Variants in ATP8B4 observed in about 807,000 individuals in gnomAD.
ATP8B4 encodes ATPase phospholipid transporting 8B4 (putative).
Under a neutral mutation model 145.6 loss-of-function variants are expected in ATP8B4, and 133 were observed. That is an observed-to-expected ratio of 0.91 (90% CI 0.79 to 1.05). The LOEUF is 1.05. Among genes scored for constraint, ATP8B4 ranks in the 50% least tolerant of loss-of-function variants. ATP8B4 has a pLI of 0.00. For synonymous variants in ATP8B4, 507 were observed against 492.9 expected, an observed-to-expected ratio of 1.03 and a Z score of -0.38; for missense variants, 1,458 against 1,425.2, an observed-to-expected ratio of 1.02 and a Z score of -0.37.
At chr15:50,125,126 G>C (rs2153678359) in intron 1 of ATP8B4, among the ~76,000 whole-genome samples, 1 of 152,284 alleles carries the variant, frequency 6.6e-6, no homozygotes, top group African/African-American at 2.4e-5. Flanking sequence ...ATCATAAGAA[G>C]TCCTTCCAAC....
At chr15:50,173,636 C>G (rs1050214209) in intron 1 of ATP8B4, among the ~76,000 whole-genome samples, 2 of 152,038 alleles carry the variant, frequency 1.3e-5, no homozygotes, top group Non-Finnish European at 2.9e-5. Flanking sequence ...GACCTTCCCT[C>G]CACTATTGTC....
At chr15:49,882,967 T>C (rs2035652833) in intron 23 of ATP8B4, among the ~76,000 whole-genome samples, 1 of 152,206 alleles carries the variant, frequency 6.6e-6, no homozygotes, top group South Asian at 2.1e-4. Flanking sequence ...CCTTCTTTTA[T>C]AGTTATAGCC....
intron 13 of ATP8B4, among the ~76,000 whole-genome samples, chr15:49,972,292 C>T (rs2045226623): frequency 6.6e-6 from 1 of 152,004 alleles, no homozygotes; most frequent in Admixed American, 6.6e-5. Flanking sequence ...AAGAATCACA[C>T]AGAGCACTGA....
intron 25 of ATP8B4, 120 bp downstream of exon 25, chr15:49,876,158 G>A: frequency 7.4e-7 from 1 of 1,350,446 alleles, no homozygotes; most frequent in African/African-American, 1.5e-5. Flanking sequence ...GTACTTAAAA[G>A]GACAGCCCCA....
At chr15:49,900,971 G>A (rs756020479) in intron 21 of ATP8B4, 121 bp downstream of exon 21, 7 of 1,259,184 alleles carry the variant, frequency 5.6e-6, no homozygotes, top group Admixed American at 4.7e-5. Flanking sequence ...CATCGCATAT[G>A]CCCTGTATCT....
At chr15:49,873,612 T>G (rs1308657297) in intron 25 of ATP8B4, among the ~76,000 whole-genome samples, 1 of 152,188 alleles carries the variant, frequency 6.6e-6, no homozygotes, top group Non-Finnish European at 1.5e-5. Context: ...TCCCTGCATT[T>G]TTATGCTTTT....
chr15:50,010,857 GT>G lies in ATP8B4; in HGVS notation c.422del (p.Asn141ThrfsTer33). 1 of 1,557,914 alleles carries G rather than the reference GT, an allele frequency of 6.4e-7. No homozygotes were observed. The highest frequency in any genetic ancestry group is 8.7e-7 in the Non-Finnish European group (1 of 1,150,138). On this transcript the variant is annotated frameshift_variant, in exon 7 of 28. Transcript: ENST00000284509. LOFTEE classifies it high-confidence loss of function. Reference protein sequence around the residue: ...KVGDIIKLENNQFVAADLLLL... With the variant: ...KVGDIIKLENXQFVAADLLLL... ...ATTGAATACTTACAGCAACAAATTG[GT>G]TATTTTCTAATTTAATGATGTCTCC...
At chr15:50,038,872 C>G (rs932795525) in intron 5 of ATP8B4, 43 bp from the exon 6 acceptor site, 2 of 1,540,112 alleles carry the variant, frequency 1.3e-6, no homozygotes, top group South Asian at 1.1e-5. Context: ...TTACAAGGTA[C>G]TTTGTCAGCC....
At chr15:50,078,896 C>T (rs1759815747) in intron 2 of ATP8B4, among the ~76,000 whole-genome samples, 1 of 152,020 alleles carries the variant, frequency 6.6e-6, no homozygotes, top group Admixed American at 6.5e-5. Context: ...GAATTCTATA[C>T]CGAGCCAAAT....
intron 2 of ATP8B4, among the ~76,000 whole-genome samples, chr15:50,085,921 T>C (rs1201795122): frequency 1.8e-5 from 2 of 108,492 alleles, no homozygotes; most frequent in East Asian, 4.8e-4. Context: ...TTATATATGA[T>C]ATATATCATA....
chr15:49,917,930 C>T (rs1438025964), intron 19 of ATP8B4, among the ~76,000 whole-genome samples: 1 of 152,096 alleles, frequency 6.6e-6, no homozygotes, highest in African/African-American at 2.4e-5. Flanking sequence ...AGAGTTTCTA[C>T]CTAGTAACAC....
In ATP8B4 at chr15:49,948,736, C is replaced by G. The variant is rs185226019; in HGVS notation, c.1287+13241G>C. On this transcript the variant is annotated intron_variant, in intron 14 of 27. Coordinates refer to ENST00000284509, the MANE Select transcript of ATP8B4 (RefSeq NM_024837.4). Reference sequence around the variant, plus strand: ...TGGGTAGATTGCAAAATTTTTCTCCCATTCTGTAGGTAGCCTGTTCACTCT... The same window carrying G: ...TGGGTAGATTGCAAAATTTTTCTCCGATTCTGTAGGTAGCCTGTTCACTCT... 1.2e-3 allele frequency among the ~76,000 whole-genome samples: 177 copies of G among 152,266 alleles called. 1 individual carries two copies. The highest frequency in any genetic ancestry group is 4.1e-3 in the African/African-American group (171 of 41,548).
chr15:50,114,099 G>GTTTC (rs1555494011), intron 1 of ATP8B4, among the ~76,000 whole-genome samples: 1,673 of 32,068 alleles, frequency 0.052, 14 homozygotes, highest in Middle Eastern at 0.12. Context: ...TGGTCTCCTA[G>GTTTC]TTTCTTTTTT....
intron 2 of ATP8B4, among the ~76,000 whole-genome samples, chr15:50,089,137 T>C (rs2055421131): frequency 6.6e-6 from 1 of 152,098 alleles, no homozygotes; most frequent in Non-Finnish European, 1.5e-5. Context: ...TCAAGATGGA[T>C]TAAAGACTCA....
intron 3 of ATP8B4, among the ~76,000 whole-genome samples, chr15:50,047,823 T>A (rs559850750): frequency 6.6e-6 from 1 of 152,178 alleles, no homozygotes; most frequent in East Asian, 1.9e-4. Flanking sequence ...ACTTCAGAAA[T>A]CATCTGGTCC....
At chr15:50,032,890 C>A (rs770260631) in intron 6 of ATP8B4, among the ~76,000 whole-genome samples, 1 of 152,064 alleles carries the variant, frequency 6.6e-6, no homozygotes. Flanking sequence ...TTTCTTCCAT[C>A]CACTTTTTCT....
intron 16 of ATP8B4, among the ~76,000 whole-genome samples, chr15:49,928,802 C>T (rs996171182): frequency 1.1e-4 from 17 of 152,156 alleles, no homozygotes; most frequent in African/African-American, 4.1e-4. Context: ...GACTTACAAA[C>T]AGGGTGACAA....
chr15:50,086,157 T>G (rs1452761756), intron 2 of ATP8B4, among the ~76,000 whole-genome samples: 6 of 68,864 alleles, frequency 8.7e-5, no homozygotes, highest in Admixed American at 5.9e-4. Flanking sequence ...ATTTATTATA[T>G]ATAATAAAAT....
chr15:50,018,594 G>T (rs1319379723), intron 6 of ATP8B4, among the ~76,000 whole-genome samples: 7 of 152,198 alleles, frequency 4.6e-5, no homozygotes, highest in Admixed American at 4.6e-4. Context: ...CTCAGTGTTA[G>T]ATTGTTTGCC....
Sources: gnomAD v4.1 joint callset for allele counts (sites outside exome capture counted in the v4.1 genomes callset) on GRCh38, gnomAD v4.1.1 for gene constraint, MANE v1.5 for transcripts, NCBI Gene and HGNC (gene_info 2026-07-23, HGNC 2026-07-21) for gene names.